Variants in CAMKMT observed in about 807,000 individuals in gnomAD.
The protein encoded by CAMKMT is calmodulin-lysine N-methyltransferase.
CAMKMT carries 53 observed loss-of-function variants against 48.0 expected under a neutral mutation model. The observed-to-expected ratio is 1.10, with a 90% CI of 0.89 to 1.39. The LOEUF (loss-of-function observed/expected upper bound fraction) is 1.39. CAMKMT is among the 40% of genes most tolerant of loss of function. The pLI, the probability that CAMKMT is intolerant of heterozygous loss-of-function variation, is 0.00. For missense variants in CAMKMT, 428 were observed against 402.7 expected, an observed-to-expected ratio of 1.06 and a Z score of -0.54; for synonymous variants, 165 against 152.3, an observed-to-expected ratio of 1.08 and a Z score of -0.61.
intron 9 of CAMKMT, among the ~76,000 whole-genome samples, chr2:44,760,519 G>T (rs1680572244): frequency 6.6e-6 from 1 of 151,548 alleles, no homozygotes; most frequent in Admixed American, 6.6e-5. Context: ...GCTGAGGCAG[G>T]AGAATGGTGT....
chr2:44,646,008 C>A (rs1324184359), intron 3 of CAMKMT, among the ~76,000 whole-genome samples: 1 of 152,170 alleles, frequency 6.6e-6, no homozygotes, highest in East Asian at 1.9e-4. Flanking sequence ...ACCATTATAA[C>A]CCTACATGTG....
intron 3 of CAMKMT, among the ~76,000 whole-genome samples, chr2:44,515,168 A>G (rs1428759249): frequency 6.6e-6 from 1 of 152,240 alleles, no homozygotes; most frequent in Non-Finnish European, 1.5e-5. Flanking sequence ...GATTTTACCT[A>G]GAAGTAACTG....
intron 3 of CAMKMT, among the ~76,000 whole-genome samples, chr2:44,494,010 C>G (rs1208747889): frequency 6.6e-6 from 1 of 152,154 alleles, no homozygotes; most frequent in African/African-American, 2.4e-5. Context: ...ACCTTTTCAT[C>G]CATTTTATAT....
intron 1 of CAMKMT, among the ~76,000 whole-genome samples, chr2:44,367,524 C>T (rs1315470295): frequency 3.3e-5 from 5 of 152,306 alleles, no homozygotes; most frequent in Middle Eastern, 3.4e-3. Flanking sequence ...CCCAAGCCTT[C>T]TCTTTATGTT....
rs1340695411 is a variant in CAMKMT, at chr2:44,618,152, G to A, written c.377-86131G>A. ...GCAGGTGTGTTTTTAATCTTTAATAGGTCACCTTCCCAAGTGCAAGCAGGC... is the reference window on the plus strand; with the variant it reads ...GCAGGTGTGTTTTTAATCTTTAATAAGTCACCTTCCCAAGTGCAAGCAGGC... On this transcript the variant is annotated intron_variant, in intron 3 of 10. Coordinates refer to ENST00000378494, the MANE Select transcript of CAMKMT (RefSeq NM_024766.5). This position sits in a 1 kb window ranked among gnomAD's most constrained non-coding sequence, Gnocchi z 4.0. Among the ~76,000 whole-genome samples, 1 of 152,162 alleles carries A rather than the reference G, an allele frequency of 6.6e-6. No individual in the cohort carries two copies. The highest frequency in any genetic ancestry group is 1.5e-5 in the Non-Finnish European group (1 of 68,022).
chr2:44,490,959 G>A (rs919254168), intron 3 of CAMKMT, among the ~76,000 whole-genome samples: 2 of 152,002 alleles, frequency 1.3e-5, no homozygotes, highest in Non-Finnish European at 2.9e-5. Flanking sequence ...ACACCAGCTT[G>A]GGCAAAATGA....
At chr2:44,668,538 C>G (rs896204784) in intron 3 of CAMKMT, among the ~76,000 whole-genome samples, 2 of 152,204 alleles carry the variant, frequency 1.3e-5, no homozygotes, top group Non-Finnish European at 2.9e-5. Context: ...TCTTGTTTCT[C>G]TGCTCTTTTT....
At chr2:44,406,487 G>C (rs1012676918) in intron 3 of CAMKMT, among the ~76,000 whole-genome samples, 1 of 68,902 alleles carries the variant, frequency 1.5e-5, no homozygotes, top group Non-Finnish European at 3.0e-5. Flanking sequence ...CCACCCCAGT[G>C]TCTTTGTGTG....
intron 3 of CAMKMT, among the ~76,000 whole-genome samples, chr2:44,474,938 C>T (rs142435032): frequency 7.2e-5 from 11 of 152,226 alleles, no homozygotes; most frequent in East Asian, 1.9e-4. Context: ...TGACATTCAT[C>T]GTGAAAGACT....
intron 3 of CAMKMT, among the ~76,000 whole-genome samples, chr2:44,414,422 G>A (rs995757510): frequency 4.6e-5 from 7 of 152,022 alleles, no homozygotes; most frequent in Non-Finnish European, 5.9e-5. Flanking sequence ...AATCTTTCCG[G>A]GGTCACTCAC....
chr2:44,550,918 C>A (rs544582643), intron 3 of CAMKMT: 1 of 152,136 alleles, frequency 6.6e-6, no homozygotes, highest in East Asian at 1.9e-4. Flanking sequence ...GGGCTTGAGA[C>A]TAAAGTTTTA....
chr2:44,753,841 T>C (rs1680256907), intron 8 of CAMKMT, among the ~76,000 whole-genome samples: 1 of 152,224 alleles, frequency 6.6e-6, no homozygotes, highest in South Asian at 2.1e-4. Flanking sequence ...TCCTGGCCCA[T>C]TGCATGTTGA....
At chr2:44,366,718 G>GTTATAATTATTA in intron 1 of CAMKMT, among the ~76,000 whole-genome samples, 1 of 150,194 alleles carries the variant, frequency 6.7e-6, no homozygotes, top group South Asian at 2.1e-4. Context: ...AGCAGCTATT[G>GTTATAATTATTA]TTATTATTAT....
At chr2:44,687,180 A>G (rs1282749602) in intron 3 of CAMKMT, among the ~76,000 whole-genome samples, 2 of 152,334 alleles carry the variant, frequency 1.3e-5, no homozygotes, top group Non-Finnish European at 1.5e-5. Context: ...TGACTGTATA[A>G]TAGAGGAGAC....
intron 2 of CAMKMT, among the ~76,000 whole-genome samples, chr2:44,380,040 A>T (rs189913348): frequency 4.6e-5 from 7 of 152,104 alleles, no homozygotes; most frequent in African/African-American, 1.4e-4. Flanking sequence ...TGTCATATTT[A>T]TCCATGGCTT....
intron 3 of CAMKMT, among the ~76,000 whole-genome samples, chr2:44,602,700 A>G (rs1417119182): frequency 6.6e-6 from 1 of 152,016 alleles, no homozygotes; most frequent in African/African-American, 2.4e-5. Flanking sequence ...AGAGAGAGAG[A>G]ACAAGGGAGG....
chr2:44,570,140 A>G (rs1668831564), intron 3 of CAMKMT, among the ~76,000 whole-genome samples: 2 of 152,212 alleles, frequency 1.3e-5, no homozygotes, highest in African/African-American at 4.8e-5. Context: ...GTTTCCCCCA[A>G]ATACAATGAG....
At chr2:44,384,204 T>G (rs1288539581) in intron 2 of CAMKMT, among the ~76,000 whole-genome samples, 1 of 152,226 alleles carries the variant, frequency 6.6e-6, no homozygotes, top group East Asian at 1.9e-4. Context: ...GTGCTTTTGA[T>G]TTGCTTTTCC....
intron 3 of CAMKMT, among the ~76,000 whole-genome samples, chr2:44,674,630 G>T (rs988240800): frequency 6.6e-6 from 1 of 152,154 alleles, no homozygotes; most frequent in Non-Finnish European, 1.5e-5. Flanking sequence ...CAGAATAACG[G>T]AAGTGGTTAA....
Sources: allele counts gnomAD v4.1 joint callset (sites outside exome capture counted in the v4.1 genomes callset), GRCh38; gene constraint gnomAD v4.1.1; non-coding constraint Gnocchi (gnomAD v3.1); transcripts MANE v1.5; gene names NCBI Gene and HGNC (gene_info 2026-07-23, HGNC 2026-07-21).